Variants in AKR1D1 observed in about 807,000 individuals in gnomAD.
AKR1D1 encodes aldo-keto reductase family 1 member D1.
A neutral mutation model predicts 42.6 loss-of-function variants in AKR1D1; 32 were observed. The ratio of observed to expected loss-of-function variants is 0.75; its 90% CI spans 0.57 to 1.01. The LOEUF (loss-of-function observed/expected upper bound fraction) is 1.01. Ranked by LOEUF, AKR1D1 falls within the 50% of genes least tolerant of loss-of-function variation. The pLI is 0.00. For synonymous variants in AKR1D1, 123 were observed against 135.5 expected (o/e 0.91, Z 0.64); for missense variants, 364 against 402.2 (o/e 0.91, Z 0.81).
At chr7:138,084,816 G>A (rs911952610) in intron 1 of AKR1D1, among the ~76,000 whole-genome samples, 8 of 152,040 alleles carry the variant, frequency 5.3e-5, no homozygotes, top group Admixed American at 5.2e-4. Context: ...CCAACACTTT[G>A]GGAGGCTGAG....
Position 138,081,090 on chromosome 7 carries a change from T to C in AKR1D1, c.93+4479T>C, listed in dbSNP as rs1264690398. 2.0e-5 allele frequency among the ~76,000 whole-genome samples: 3 copies of C among 152,218 alleles called. No homozygotes were observed. The East Asian group carries it at 5.8e-4, about 29-fold the overall frequency. ...CCTGCTGCAAAACATAGATCATCCGTGGATTTCCAGCCTTACATAGTATAT... is the reference window on the plus strand; with the variant it reads ...CCTGCTGCAAAACATAGATCATCCGCGGATTTCCAGCCTTACATAGTATAT... On this transcript the variant is annotated intron_variant, in intron 1 of 8. Transcript: ENST00000242375.
At chr7:138,088,090 T>C (rs1793974577) in intron 1 of AKR1D1, among the ~76,000 whole-genome samples, 1 of 151,894 alleles carries the variant, frequency 6.6e-6, no homozygotes, top group Admixed American at 6.6e-5. Flanking sequence ...GGGGTCTCCC[T>C]ATGTTGCCCA....
In AKR1D1 at chr7:138,077,310, T is replaced by C. The variant is rs1802960460; in HGVS notation, c.93+699T>C. On this transcript the variant is annotated intron_variant, in intron 1 of 8. Transcript: ENST00000242375. ...CATGGCAGAAGGGAAAGAAAACACG[T>C]CCTTCTTCATAAGATGGCAGCAAGG... Among the ~76,000 whole-genome samples the C allele has an allele frequency of 3.3e-5, 5 of 152,212 alleles. No homozygotes were observed. In the South Asian group the frequency reaches 1.0e-3, roughly 32 times the overall value.
chr7:138,090,541 G>A (rs1205755207), intron 2 of AKR1D1, among the ~76,000 whole-genome samples: 1 of 151,368 alleles, frequency 6.6e-6, no homozygotes, highest in East Asian at 1.9e-4. Flanking sequence ...GGAGGCTGAG[G>A]CAGCAGAATC....
In AKR1D1 at chr7:138,105,327, C is replaced by T. The variant is rs34703687; in HGVS notation, c.477C>T (p.Asp159=). ...ATWEAMEACK[D]AGLVKSLGVS... ...TACAGGCGATGGAAGCTTGCAAAGA[C>T]GCTGGCTTGGTGAAATCCCTGGGAG... Residue 159 remains aspartate, a synonymous_variant, in exon 5 of 9, where the codon GAC becomes GAT. Transcript: ENST00000242375. 4,161 of 1,614,066 alleles carry T rather than the reference C, an allele frequency of 2.6e-3. 100 individuals are homozygous for T. The African/African-American group carries it at 0.049, about 19-fold the overall frequency.
chr7:138,092,596 G>T (rs1490906629), intron 3 of AKR1D1, among the ~76,000 whole-genome samples: 1 of 152,156 alleles, frequency 6.6e-6, no homozygotes, highest in African/African-American at 2.4e-5. Context: ...ACGCAAACAC[G>T]TTGTGCCTAA....
chr7:138,103,672 T>C (rs1794361352), intron 4 of AKR1D1, among the ~76,000 whole-genome samples: 1 of 152,040 alleles, frequency 6.6e-6, no homozygotes, highest in Admixed American at 6.6e-5. Flanking sequence ...AAAAAGTTGG[T>C]ATTACTATAT....
At chr7:138,086,821 A>G (rs373982989) in intron 1 of AKR1D1, among the ~76,000 whole-genome samples, 17 of 152,348 alleles carry the variant, frequency 1.1e-4, no homozygotes, top group African/African-American at 3.8e-4. Flanking sequence ...AGTCAGCACA[A>G]ATCAGAAAAT....
intron 1 of AKR1D1, among the ~76,000 whole-genome samples, chr7:138,082,239 CTTGT>C (rs1420917407): frequency 6.6e-6 from 1 of 152,060 alleles, no homozygotes; most frequent in Non-Finnish European, 1.5e-5. Flanking sequence ...TTTTTGTTTG[CTTGT>C]TTGTTTTGTT....
At chr7:138,085,968 G>A (rs1282723469) in intron 1 of AKR1D1, among the ~76,000 whole-genome samples, 1 of 151,796 alleles carries the variant, frequency 6.6e-6, no homozygotes, top group African/African-American at 2.4e-5. Flanking sequence ...AATATGTAGA[G>A]GGAGGCCAAG....
intron 8 of AKR1D1, among the ~76,000 whole-genome samples, chr7:138,114,295 A>G (rs10258807): frequency 0.018 from 2,809 of 152,280 alleles, 94 homozygotes; most frequent in African/African-American, 0.063. Context: ...AAAATTCCAT[A>G]TACTCCTTCA....
intron 3 of AKR1D1, among the ~76,000 whole-genome samples, chr7:138,094,012 GACTA>G (rs1195615220): frequency 3.9e-5 from 6 of 152,246 alleles, no homozygotes; most frequent in East Asian, 1.9e-4. Context: ...ACTTCTCTGT[GACTA>G]ACTAATGACA....
intron 1 of AKR1D1, among the ~76,000 whole-genome samples, chr7:138,077,815 T>C (rs144646221): frequency 1.3e-5 from 2 of 152,304 alleles, no homozygotes; most frequent in East Asian, 1.9e-4. Flanking sequence ...ACATTTTAGT[T>C]AGACAGAGAA....
chr7:138,094,256 T>C (rs1794141586), intron 3 of AKR1D1, among the ~76,000 whole-genome samples: 2 of 152,148 alleles, frequency 1.3e-5, no homozygotes, highest in Non-Finnish European at 2.9e-5. Flanking sequence ...GGCTCACATC[T>C]GTAGTCCCAG....
chr7:138,078,556 A>G (rs1470898602), intron 1 of AKR1D1, among the ~76,000 whole-genome samples: 2 of 152,190 alleles, frequency 1.3e-5, no homozygotes, highest in Non-Finnish European at 2.9e-5. Flanking sequence ...TTCTTTGCAC[A>G]ATGTCTCTTT....
chr7:138,086,601 G>A (rs1042170929), intron 1 of AKR1D1, among the ~76,000 whole-genome samples: 7 of 152,002 alleles, frequency 4.6e-5, no homozygotes, highest in African/African-American at 1.7e-4. Flanking sequence ...ATGTCCCCAA[G>A]GCTTTCTATA....
chr7:138,100,313 T>C (rs1034167437), intron 4 of AKR1D1, among the ~76,000 whole-genome samples: 15 of 152,100 alleles, frequency 9.9e-5, no homozygotes, highest in Non-Finnish European at 1.8e-4. Context: ...TTGCAGTATA[T>C]ATAAATGGTC....
At chr7:138,100,055 C>T (rs1230149363) in intron 4 of AKR1D1, among the ~76,000 whole-genome samples, 2 of 120,276 alleles carry the variant, frequency 1.7e-5, no homozygotes, top group Non-Finnish European at 3.3e-5. Context: ...AGCCACTGAA[C>T]TCTAACCTGG....
rs922823685 is a variant in AKR1D1, at chr7:138,117,924, C to G, written c.*1262C>G. 1 of 152,022 alleles carries G rather than the reference C, an allele frequency of 6.6e-6. No individual in the cohort carries two copies. The highest frequency in any genetic ancestry group is 2.4e-5 in the African/African-American group (1 of 41,374). The allele number at this position is 152,022 out of a possible 1,614,324, so 9.4% of individuals were successfully genotyped here. A position where few individuals can be genotyped will look rare whatever the true frequency, so the allele number is the denominator to read the frequency against. ...ATCCCAGCTACTCAGGAGGCTGAGG[C>G]AGAAGAATGGCATGAACCCGGGAGG... On this transcript the variant is annotated 3_prime_UTR_variant, in exon 9 of 9. Coordinates refer to ENST00000242375, the MANE Select transcript of AKR1D1 (RefSeq NM_005989.4).
Sources: allele counts gnomAD v4.1 joint callset (sites outside exome capture counted in the v4.1 genomes callset), GRCh38; gene constraint gnomAD v4.1.1; transcripts MANE v1.5; gene names NCBI Gene and HGNC (gene_info 2026-07-23, HGNC 2026-07-21).